Variants in TBC1D22A observed in about 807,000 individuals in gnomAD.
TBC1D22A encodes putative GTPase activator.
Under a neutral mutation model 60.2 loss-of-function variants are expected in TBC1D22A, and 38 were observed. That is an observed-to-expected ratio of 0.63 (90% confidence interval 0.49 to 0.83). The LOEUF is 0.83. Ranked by LOEUF, TBC1D22A falls within the 40% of genes least tolerant of loss-of-function variation. The probability of loss-of-function intolerance (pLI) is 0.00; values close to 1 mark genes in which losing one functional copy is unlikely to be tolerated. For missense variants in TBC1D22A, 628 were observed against 701.0 expected, an observed-to-expected ratio of 0.90 and a Z score of 1.18; for synonymous variants, 302 against 281.7, an observed-to-expected ratio of 1.07 and a Z score of -0.72.
intron 7 of TBC1D22A, among the ~76,000 whole-genome samples, chr22:46,901,699 T>C (rs1239211034): frequency 2.2e-5 from 2 of 93,020 alleles, no homozygotes; most frequent in Non-Finnish European, 4.7e-5. Flanking sequence ...TCAAGTGTTA[T>C]AACTCACATG....
chr22:47,172,961 G>A (rs1253612325), intron 12 of TBC1D22A, among the ~76,000 whole-genome samples: 1 of 152,238 alleles, frequency 6.6e-6, no homozygotes, highest in Non-Finnish European at 1.5e-5. Flanking sequence ...GGTGCCCGGA[G>A]GGGTCTCCTG....
At position 46,990,845 on chromosome 22, in the gene TBC1D22A, G is replaced by C. The variant is rs370097812; in HGVS notation, c.1126-6789G>C. On this transcript the variant is annotated intron_variant, in intron 9 of 12. Transcript: ENST00000337137. This position sits in a 1 kb window ranked among gnomAD's most constrained non-coding sequence, Gnocchi z 4.6. Reference sequence around the variant, plus strand: ...TCGTGACGGCTCTGCTCCTCGCCGTGTGCGTCTGGAAGTGACCATGGATGG... The same window carrying C: ...TCGTGACGGCTCTGCTCCTCGCCGTCTGCGTCTGGAAGTGACCATGGATGG... Among the ~76,000 whole-genome samples, 5 of 152,218 alleles carry C rather than the reference G, an allele frequency of 3.3e-5. No individual in the cohort carries two copies. Among genetic ancestry groups the C allele is most frequent in the Admixed American group, 1.3e-4 (2 of 15,284 alleles).
At chr22:47,023,833 C>T (rs1027496381) in intron 10 of TBC1D22A, among the ~76,000 whole-genome samples, 2 of 152,210 alleles carry the variant, frequency 1.3e-5, no homozygotes, top group Non-Finnish European at 2.9e-5. Context: ...ACCTGCATGA[C>T]AAGCAATAGG....
intron 4 of TBC1D22A, among the ~76,000 whole-genome samples, chr22:46,805,421 A>T (rs754692691): frequency 1.3e-5 from 2 of 152,270 alleles, no homozygotes; most frequent in Non-Finnish European, 2.9e-5. Context: ...TCTCAGCAAG[A>T]TGCCTGGAGG....
chr22:47,042,011 G>A (rs763899248), intron 11 of TBC1D22A, among the ~76,000 whole-genome samples: 5 of 152,356 alleles, frequency 3.3e-5, no homozygotes, highest in African/African-American at 4.8e-5. Context: ...CCTTATCACC[G>A]GTGTTTTGTC....
intron 10 of TBC1D22A, among the ~76,000 whole-genome samples, chr22:47,002,215 C>T (rs924138239): frequency 2.6e-5 from 4 of 152,378 alleles, no homozygotes; most frequent in African/African-American, 9.6e-5. Flanking sequence ...AGAACGCTTA[C>T]ACCTACTTGA....
Position 47,009,160 on chromosome 22 carries a change from G to A in TBC1D22A, c.1201+11451G>A, listed in dbSNP as rs565163160. Reference sequence around the variant, plus strand: ...TAGCCCTTGTTTCCCCATGCATGACGGGTCATGGGAGTAAAGTACTTACAG... The same window carrying A: ...TAGCCCTTGTTTCCCCATGCATGACAGGTCATGGGAGTAAAGTACTTACAG... On this transcript the variant is annotated intron_variant, in intron 10 of 12. Transcript: ENST00000337137. This position sits in a 1 kb window ranked among gnomAD's most constrained non-coding sequence, Gnocchi z 5.8. 3.7e-4 allele frequency among the ~76,000 whole-genome samples: 57 copies of A among 152,196 alleles called. 1 individual carries two copies. The highest frequency in any genetic ancestry group is 6.0e-4 in the Non-Finnish European group (41 of 68,010).
chr22:46,833,423 G>T (rs2086391463), intron 4 of TBC1D22A, among the ~76,000 whole-genome samples: 1 of 152,216 alleles, frequency 6.6e-6, no homozygotes, highest in Non-Finnish European at 1.5e-5. Flanking sequence ...TTAGAAACCA[G>T]CATGGCCGGC....
rs131936 is a variant in TBC1D22A, at chr22:47,063,672, T to C, written c.1329+26474T>C. ...GAGTATCCATGTCCTAGAGCTGCCA[T>C]GTGTCACACACTGAGGGCTTATAGG... On this transcript the variant is annotated intron_variant, in intron 11 of 12. Transcript: ENST00000337137. 4.9e-3 allele frequency among the ~76,000 whole-genome samples: 741 copies of C among 151,722 alleles called. 10 individuals are homozygous for C. Among genetic ancestry groups the C allele is most frequent in the African/African-American group, 0.017 (701 of 41,344 alleles).
intron 11 of TBC1D22A, among the ~76,000 whole-genome samples, chr22:47,085,364 T>A (rs982873391): frequency 6.6e-6 from 1 of 152,170 alleles, no homozygotes; most frequent in African/African-American, 2.4e-5. Context: ...GATCATGAAT[T>A]TTTTCCAGAA....
chr22:47,110,660 G>A (rs1008463783), intron 11 of TBC1D22A, among the ~76,000 whole-genome samples: 2 of 152,130 alleles, frequency 1.3e-5, no homozygotes, highest in Non-Finnish European at 2.9e-5. Context: ...CTAATGCACT[G>A]TGCATTGGAT....
chr22:46,896,144 G>A (rs1047787852), intron 7 of TBC1D22A, among the ~76,000 whole-genome samples: 1 of 152,162 alleles, frequency 6.6e-6, no homozygotes, highest in African/African-American at 2.4e-5. Flanking sequence ...TATATTTACG[G>A]ATGTCTTCTG....
intron 9 of TBC1D22A, among the ~76,000 whole-genome samples, chr22:46,986,995 G>A (rs939832596): frequency 2.6e-5 from 4 of 152,150 alleles, no homozygotes; most frequent in Non-Finnish European, 5.9e-5. Context: ...GGGTTGGATC[G>A]CCCACTCCTG....
chr22:47,041,985 AGATT>A (rs1400052778), intron 11 of TBC1D22A, among the ~76,000 whole-genome samples: 1 of 152,208 alleles, frequency 6.6e-6, no homozygotes, highest in African/African-American at 2.4e-5. Context: ...GCATCAGGCA[AGATT>A]GTCTCCCCAG....
intron 10 of TBC1D22A, among the ~76,000 whole-genome samples, chr22:47,002,291 G>A (rs749046314): frequency 2.0e-5 from 3 of 152,116 alleles, no homozygotes; most frequent in Non-Finnish European, 2.9e-5. Context: ...CATCTGTCAC[G>A]TCTGATGTTA....
intron 4 of TBC1D22A, among the ~76,000 whole-genome samples, chr22:46,830,976 G>A (rs2086284116): frequency 6.6e-6 from 1 of 152,112 alleles, no homozygotes; most frequent in South Asian, 2.1e-4. Context: ...GGTGGTGTGA[G>A]GGAGCCTCAG....
chr22:46,845,033 A>G (rs928655614), intron 4 of TBC1D22A, among the ~76,000 whole-genome samples: 4 of 152,174 alleles, frequency 2.6e-5, no homozygotes, highest in African/African-American at 7.2e-5. Flanking sequence ...TTTCTTGGTC[A>G]TACCCTGGCG....
intron 11 of TBC1D22A, among the ~76,000 whole-genome samples, chr22:47,091,543 G>C (rs1429599303): frequency 4.8e-5 from 7 of 147,114 alleles, no homozygotes; most frequent in South Asian, 2.2e-4. Context: ...GTCGTCTTTG[G>C]GGGGGTGTGG....
intron 4 of TBC1D22A, among the ~76,000 whole-genome samples, chr22:46,844,023 C>T (rs980262336): frequency 6.6e-6 from 1 of 151,680 alleles, no homozygotes; most frequent in Non-Finnish European, 1.5e-5. Context: ...TTGAGGGTCA[C>T]ACGGTCTCTG....
Sources: allele counts gnomAD v4.1 joint callset (sites outside exome capture counted in the v4.1 genomes callset), GRCh38; gene constraint gnomAD v4.1.1; non-coding constraint Gnocchi (gnomAD v3.1); transcripts MANE v1.5; gene names NCBI Gene and HGNC (gene_info 2026-07-23, HGNC 2026-07-21).